ATAD1: variants seen among roughly 807,000 people sequenced by gnomAD.
ATAD1 encodes the protein ATPase family AAA domain containing 1, also known as outer mitochondrial transmembrane helix translocase.
Under a neutral mutation model 42.7 loss-of-function variants are expected in ATAD1, and 18 were observed. The ratio of observed to expected loss-of-function variants is 0.42; its 90% CI spans 0.29 to 0.63. The LOEUF (loss-of-function observed/expected upper bound fraction) is 0.63. ATAD1 is among the 20% of genes least tolerant of loss of function. ATAD1 has a pLI of 0.19. For missense variants in ATAD1, 294 were observed against 440.4 expected (o/e 0.67, Z 2.98); for synonymous variants, 132 against 143.1 (o/e 0.92, Z 0.55).
intron 5 of ATAD1, among the ~76,000 whole-genome samples, chr10:87,783,548 C>T (rs1855671717): frequency 6.6e-6 from 1 of 151,634 alleles, no homozygotes; most frequent in African/African-American, 2.4e-5. Context: ...TTTACATAGC[C>T]TATCATACTA....
At chr10:87,833,574 C>T (rs1857873534) in intron 1 of ATAD1, among the ~76,000 whole-genome samples, 2 of 152,046 alleles carry the variant, frequency 1.3e-5, no homozygotes. Context: ...CAGTCTTTCA[C>T]CACATAATAT....
At chr10:87,802,166 A>G (rs1246443980) in intron 2 of ATAD1, among the ~76,000 whole-genome samples, 1 of 152,234 alleles carries the variant, frequency 6.6e-6, no homozygotes, top group Non-Finnish European at 1.5e-5. Flanking sequence ...CATTTGTAAC[A>G]GGACACAATT....
At chr10:87,798,464 T>C (rs1333640728) in intron 2 of ATAD1, among the ~76,000 whole-genome samples, 3 of 152,126 alleles carry the variant, frequency 2.0e-5, no homozygotes, top group African/African-American at 7.2e-5. Flanking sequence ...CTACGTTCTC[T>C]TTCTGTGTCT....
intron 8 of ATAD1, among the ~76,000 whole-genome samples, chr10:87,758,569 C>T (rs1854332679): frequency 6.6e-6 from 1 of 151,634 alleles, no homozygotes; most frequent in Non-Finnish European, 1.5e-5. Context: ...TTATAATAGA[C>T]AATACTTATG....
At position 87,761,781 on chromosome 10, in the gene ATAD1, T is replaced by C. The variant is rs1401229572; in HGVS notation, c.832-4859A>G. ...GTATAATTTCTTCCTCTTATTTCTT[T>C]TTTAGAGACAGGATCTTGCTCTGTC... On this transcript the variant is annotated intron_variant, in intron 8 of 9. Transcript: ENST00000680024. Among the ~76,000 whole-genome samples the C allele has an allele frequency of 2.0e-5, 3 of 152,270 alleles. No homozygotes were observed. The East Asian group carries it at 5.8e-4, about 29-fold the overall frequency.
rs7078640 is a variant in ATAD1 at position 87,812,422 on chromosome 10, C to T, written c.162+2016G>A. 7.3e-3 allele frequency among the ~76,000 whole-genome samples: 1,110 copies of T among 152,148 alleles called. 11 individuals are homozygous for T. The highest frequency in any genetic ancestry group is 0.025 in the African/African-American group (1,057 of 41,482). ...GTAGCTGGGTGTGCACCACTACGTCCGGCTAATGTTTTGTATTTTTATTAG... is the reference window on the plus strand; with the variant it reads ...GTAGCTGGGTGTGCACCACTACGTCTGGCTAATGTTTTGTATTTTTATTAG... On this transcript the variant is annotated intron_variant, in intron 2 of 9. Transcript: ENST00000680024.
At chr10:87,757,695 T>G (rs1178358824) in intron 8 of ATAD1, among the ~76,000 whole-genome samples, 1 of 152,228 alleles carries the variant, frequency 6.6e-6, no homozygotes, top group Non-Finnish European at 1.5e-5. Flanking sequence ...CCTGTTCAGC[T>G]CATCACTTGT....
chr10:87,801,776 G>C (rs1856708581), intron 2 of ATAD1, among the ~76,000 whole-genome samples: 1 of 152,086 alleles, frequency 6.6e-6, no homozygotes, highest in African/African-American at 2.4e-5. Flanking sequence ...ACTCTAACAG[G>C]TGCTCTTGAA....
upstream of ATAD1, among the ~76,000 whole-genome samples, chr10:87,821,590 G>A (rs543483283): frequency 1.3e-5 from 2 of 152,222 alleles, no homozygotes; most frequent in East Asian, 1.9e-4. Context: ...TGGACAACTT[G>A]GCAAAATGCA....
intron 8 of ATAD1, chr10:87,759,745 G>C (rs1270121090): frequency 2.2e-6 from 1 of 455,588 alleles, no homozygotes; most frequent in South Asian, 1.6e-5. Flanking sequence ...GTGTAATCCT[G>C]GGCAAGTTAT....
intron 2 of ATAD1, among the ~76,000 whole-genome samples, chr10:87,811,631 C>G (rs1459746186): frequency 6.6e-6 from 1 of 152,154 alleles, no homozygotes; most frequent in African/African-American, 2.4e-5. Flanking sequence ...ATGTATAAAT[C>G]TTGATGGTGG....
chr10:87,826,145 A>G (rs1857724805), intron 1 of ATAD1, among the ~76,000 whole-genome samples: 2 of 133,426 alleles, frequency 1.5e-5, no homozygotes, highest in African/African-American at 5.2e-5. Flanking sequence ...TTCTGGAACC[A>G]GAAAACAGCA....
chr10:87,811,022 A>G (rs1857151213), intron 2 of ATAD1, among the ~76,000 whole-genome samples: 1 of 152,092 alleles, frequency 6.6e-6, no homozygotes, highest in South Asian at 2.1e-4. Flanking sequence ...TACTTTGTTG[A>G]TAGCTCATGA....
intron 1 of ATAD1, among the ~76,000 whole-genome samples, chr10:87,840,416 T>C (rs927156055): frequency 4.6e-5 from 7 of 152,108 alleles, no homozygotes; most frequent in African/African-American, 1.4e-4. Flanking sequence ...GCCCAGGAGG[T>C]TGAGGCTGCA....
chr10:87,761,599 G>A (rs899784732), intron 8 of ATAD1, among the ~76,000 whole-genome samples: 1 of 152,066 alleles, frequency 6.6e-6, no homozygotes, highest in Admixed American at 6.6e-5. Context: ...GGAGGCTGCA[G>A]TGAGCTGAGA....
intron 8 of ATAD1, among the ~76,000 whole-genome samples, chr10:87,764,509 T>C (rs1238070284): frequency 6.6e-6 from 1 of 152,068 alleles, no homozygotes; most frequent in Non-Finnish European, 1.5e-5. Flanking sequence ...TAGGTATCCA[T>C]CTAGAAAAAC....
chr10:87,836,852 C>T (rs1857939126), intron 1 of ATAD1, among the ~76,000 whole-genome samples: 1 of 152,198 alleles, frequency 6.6e-6, no homozygotes, highest in Non-Finnish European at 1.5e-5. Context: ...CCCTCAGGCA[C>T]AGCTTTTTTC....
At chr10:87,775,335 C>T (rs1408893104) in intron 6 of ATAD1, among the ~76,000 whole-genome samples, 4 of 147,462 alleles carry the variant, frequency 2.7e-5, no homozygotes, top group Admixed American at 6.9e-5. Context: ...GCAGGAGAAT[C>T]GCTTGAACCC....
At chr10:87,757,680 T>G (rs1801976614) in intron 8 of ATAD1, among the ~76,000 whole-genome samples, 1 of 152,204 alleles carries the variant, frequency 6.6e-6, no homozygotes, top group Non-Finnish European at 1.5e-5. Flanking sequence ...CAGCTGTATT[T>G]TTCCCCTGTT....
Sources: gnomAD v4.1 joint callset for allele counts (sites outside exome capture counted in the v4.1 genomes callset) on GRCh38, gnomAD v4.1.1 for gene constraint, MANE v1.5 for transcripts, NCBI Gene and HGNC (gene_info 2026-07-23, HGNC 2026-07-21) for gene names.